ZNF219: variants seen among roughly 807,000 people sequenced by gnomAD.
The protein encoded by ZNF219 is zinc finger protein 219.
A neutral mutation model predicts 54.4 loss-of-function variants in ZNF219; 17 were observed. That is an observed-to-expected ratio of 0.31 (90% CI 0.21 to 0.47). The LOEUF (loss-of-function observed/expected upper bound fraction) is 0.47, where lower values mean the gene tolerates loss of function less well. ZNF219 is among the 20% of genes least tolerant of loss of function. The probability of loss-of-function intolerance (pLI) is 1.00; values close to 1 mark genes in which losing one functional copy is unlikely to be tolerated. For missense variants in ZNF219, 1,014 were observed against 1,062.3 expected (o/e 0.95, Z 0.63); for synonymous variants, 518 against 476.4 (o/e 1.09, Z -1.14).
At chr14:21,100,654 C>A (rs1273175772), upstream of ZNF219, among the ~76,000 whole-genome samples, 1 of 152,106 alleles carries the variant, frequency 6.6e-6, no homozygotes, top group Non-Finnish European at 1.5e-5. Flanking sequence ...AGAGTAAAAC[C>A]TTCAAGAAAG....
At chr14:21,096,797 A>C (rs964927776) in intron 1 of ZNF219, among the ~76,000 whole-genome samples, 2 of 152,226 alleles carry the variant, frequency 1.3e-5, no homozygotes, top group African/African-American at 4.8e-5. Flanking sequence ...GGTTGGTGAA[A>C]AGACTTAGAA....
At chr14:21,102,287 G>A, upstream of ZNF219, 3 of 1,419,638 alleles carry the variant, frequency 2.1e-6, no homozygotes, top group Non-Finnish European at 2.9e-6. Flanking sequence ...AGGGCTTATG[G>A]CCCTGTTTGG....
At position 21,092,031 on chromosome 14, in the gene ZNF219, A is replaced by C. The variant is rs1251608198; in HGVS notation, c.1266T>G (p.Arg422=). The C allele has an allele frequency of 6.5e-7, 1 of 1,550,288 alleles. No individual in the cohort carries two copies. The highest frequency in any genetic ancestry group is 8.7e-7 in the Non-Finnish European group (1 of 1,147,376). Reference sequence around the variant, plus strand: ...CCTCTTCTTCCTCAGGCTCCTCCGCACGGTGCCGGCGAGCCCGGGCCGGGA... The same window carrying C: ...CCTCTTCTTCCTCAGGCTCCTCCGCCCGGTGCCGGCGAGCCCGGGCCGGGA... The part of the protein sequence containing the change: ...SALPARARRH[R]AEEPEEEEEV... The change falls in exon 3 of 5, where the codon CGT becomes CGG. Residue 422 remains arginine, a synonymous_variant. Transcript: ENST00000360947.
At chr14:21,097,731 T>C (rs1379915838) in intron 1 of ZNF219, among the ~76,000 whole-genome samples, 2 of 152,110 alleles carry the variant, frequency 1.3e-5, no homozygotes, top group East Asian at 3.9e-4. Flanking sequence ...GAACAAAAGC[T>C]GAGTTACAGC....
At chr14:21,102,522 G>A, upstream of ZNF219, 3 of 1,551,774 alleles carry the variant, frequency 1.9e-6, no homozygotes, top group Non-Finnish European at 2.6e-6. Context: ...CCAGGTACTG[G>A]TCAATGAAGG....
intron 1 of ZNF219, among the ~76,000 whole-genome samples, chr14:21,097,921 G>A (rs1010357012): frequency 2.6e-5 from 4 of 150,956 alleles, no homozygotes; most frequent in Admixed American, 2.6e-4. Flanking sequence ...CATCCACTCA[G>A]GCTCGCGGCT....
intron 4 of ZNF219, 44 bp from the exon 5 acceptor site, chr14:21,091,184 G>A (rs763674610): frequency 1.9e-6 from 3 of 1,556,248 alleles, no homozygotes; most frequent in South Asian, 2.3e-5. Flanking sequence ...CACGATGACT[G>A]CACGCACCCA....
At chr14:21,103,493 C>T (rs937424325), upstream of ZNF219, 1 of 574,858 alleles carries the variant, frequency 1.7e-6, no homozygotes, top group Admixed American at 3.5e-5. Flanking sequence ...CTGTCACCTC[C>T]CCATACAGCT....
At position 21,098,430 on chromosome 14, in the gene ZNF219, C is replaced by T; in HGVS notation, c.-202G>A. ...CGGGGGAGATGCGCCGGGCCCCGGC[C>T]CCCCCGCCCCCGGCCCGGCCCCCGC... On this transcript the variant is annotated 5_prime_UTR_variant, in exon 1 of 5. Transcript: ENST00000360947. 3.2e-6 allele frequency: 2 copies of T among 622,940 alleles called. No homozygotes were observed. Among genetic ancestry groups the T allele is most frequent in the Non-Finnish European group, 4.0e-6 (2 of 503,802 alleles). The allele number at this position is 622,940 out of a possible 1,614,324, so 38.6% of individuals were successfully genotyped here.
In ZNF219 at chr14:21,092,270, C is replaced by A. The variant is rs138145521; in HGVS notation, c.1027G>T (p.Ala343Ser). The change falls in exon 3 of 5, where the codon GCC (alanine) becomes TCC (serine). Residue 343 changes from alanine (A) to serine (S), a missense_variant. Transcript: ENST00000360947. ...AGGCCGAGGTCAGGAGGCTGGGGGGCGCGGGCAGGCCCGGAGGCAGGCCCC... is the reference window on the plus strand; with the variant it reads ...AGGCCGAGGTCAGGAGGCTGGGGGGAGCGGGCAGGCCCGGAGGCAGGCCCC... Reference protein sequence around the residue: ...APGPASGPARAPQPPDLGLLA... With the variant: ...APGPASGPARSPQPPDLGLLA... 6.7e-7 allele frequency: 1 copy of A among 1,482,120 alleles called. No individual in the cohort carries two copies. The highest frequency in any genetic ancestry group is 2.2e-5 in the Admixed American group (1 of 44,524). The allele number at this position is 1,482,120 out of a possible 1,614,324, so 91.8% of individuals were successfully genotyped here. A position where few individuals can be genotyped will look rare whatever the true frequency, so the allele number is the denominator to read the frequency against.
rs1231847767 is a variant in ZNF219, at chr14:21,091,979, AGGTTTCCTCCTC to A, written c.1306_1317del (p.Glu436_Thr439del). 1 of 1,571,568 alleles carries A rather than the reference AGGTTTCCTCCTC, an allele frequency of 6.4e-7. No homozygotes were observed. The highest frequency in any genetic ancestry group is 8.6e-7 in the Non-Finnish European group (1 of 1,158,944). ...GAGCCCAGCGACCTGCCCCGGGCCCAGGTTTCCTCCTCGGCCTCCACCACCTCCTCTTCTTCC... is the reference window on the plus strand; with the variant it reads ...GAGCCCAGCGACCTGCCCCGGGCCCAGGCCTCCACCACCTCCTCTTCTTCC... On this transcript the variant is annotated inframe_deletion, in exon 3 of 5. Transcript: ENST00000360947.
chr14:21,099,306 A>G (rs536421752), upstream of ZNF219: 1 of 152,418 alleles, frequency 6.6e-6, no homozygotes, highest in Admixed American at 6.5e-5. Flanking sequence ...GCCCCCATTT[A>G]CAAGTAAGAA....
upstream of ZNF219, chr14:21,101,741 TG>T (rs904002193): frequency 1.6e-5 from 12 of 759,134 alleles, no homozygotes; most frequent in Non-Finnish European, 2.3e-5. Context: ...GTCCTTGCTC[TG>T]GGTTGACTGC....
upstream of ZNF219, chr14:21,103,251 C>T: frequency 1.9e-6 from 3 of 1,551,348 alleles, no homozygotes; most frequent in Non-Finnish European, 2.6e-6. Context: ...GCTCTCCTTC[C>T]ACCCTGAGAG....
Position 21,092,338 on chromosome 14 carries a change from T to C in ZNF219, c.959A>G (p.His320Arg). 1.3e-6 allele frequency: 2 copies of C among 1,573,844 alleles called. No individual in the cohort carries two copies. Among genetic ancestry groups the C allele is most frequent in the Non-Finnish European group, 1.7e-6 (2 of 1,161,604 alleles). ...CFKEPWFLKNHMKVHASKLGP... is the reference protein window; with the variant it reads ...CFKEPWFLKNRMKVHASKLGP... ...CAGCTTGCTGGCGTGCACCTTCATG[T>C]GGTTCTTAAGGAACCAGGGCTCCTT... is the stretch of plus-strand genomic sequence containing the variant. The change falls in exon 3 of 5, where the codon CAC becomes CGC. Residue 320 changes from histidine to arginine, a missense_variant. Transcript: ENST00000360947.
chr14:21,092,314 A>G lies in ZNF219; in HGVS notation c.983T>C (p.Leu328Pro). 1.3e-6 allele frequency: 2 copies of G among 1,551,582 alleles called. No individual in the cohort carries two copies. Among genetic ancestry groups the G allele is most frequent in the Non-Finnish European group, 1.7e-6 (2 of 1,151,434 alleles). ...KNHMKVHASKLGPLRAPGPAS... is the reference protein window; with the variant it reads ...KNHMKVHASKPGPLRAPGPAS... ...AGGCCCCGGGGCACGCAGTGGGCCCAGCTTGCTGGCGTGCACCTTCATGTG... is the reference window on the plus strand; with the variant it reads ...AGGCCCCGGGGCACGCAGTGGGCCCGGCTTGCTGGCGTGCACCTTCATGTG... Residue 328 changes from leucine to proline, a missense_variant, in exon 3 of 5, where the codon CTG (leucine) becomes CCG (proline). Leu to Pro is a moderately conservative substitution (Grantham distance 98). This residue lies in a region of ZNF219 where 272 missense variants were observed against 248.9 expected (regional missense o/e 1.09). Transcript: ENST00000360947.
chr14:21,098,977 A>T, upstream of ZNF219: 1 of 567,108 alleles, frequency 1.8e-6, no homozygotes, highest in Non-Finnish European at 2.6e-6. Flanking sequence ...TATAAGAAAC[A>T]TTATTAAAGT....
At chr14:21,091,827 G>C in intron 3 of ZNF219, 38 bp downstream of exon 3, 2 of 1,490,736 alleles carry the variant, frequency 1.3e-6, no homozygotes, top group Middle Eastern at 2.3e-4. Flanking sequence ...GTCAGAGGAG[G>C]ACGCGGCGTA....
At position 21,098,326 on chromosome 14, in the gene ZNF219, CGG is replaced by C; in HGVS notation, c.-100_-99del. ...CGGCTACTCACGAGCCCCGGGCGGG[CGG>C]CGGCGGAGCGGGCGGCGGCGGCGGC... is the stretch of plus-strand genomic sequence containing the variant. On this transcript the variant is annotated 5_prime_UTR_variant, in exon 1 of 5. An upstream open reading frame in the 5' UTR loses its in-frame stop. Transcript: ENST00000360947. The C allele has an allele frequency of 5.0e-6, 1 of 198,034 alleles. No individual in the cohort carries two copies. The highest frequency in any genetic ancestry group is 8.8e-6 in the Non-Finnish European group (1 of 114,024). 12.3% of individuals were successfully genotyped at this position (198,034 alleles called of 1,614,324 possible).
Sources: gnomAD v4.1 joint callset for allele counts (sites outside exome capture counted in the v4.1 genomes callset) on GRCh38, gnomAD v4.1.1 for gene constraint, gnomAD v4.1.1 regional missense constraint, MANE v1.5 for transcripts, NCBI Gene and HGNC (gene_info 2026-07-23, HGNC 2026-07-21) for gene names.